Variants in CCBE1 observed in about 807,000 individuals in gnomAD.
The protein encoded by CCBE1 is collagen and calcium-binding EGF domain-containing protein 1.
Under a neutral mutation model 50.0 loss-of-function variants are expected in CCBE1, and 37 were observed. That is an observed-to-expected ratio of 0.74 (90% CI 0.57 to 0.97). The LOEUF (loss-of-function observed/expected upper bound fraction) is 0.97, where lower values mean the gene tolerates loss of function less well. CCBE1 is among the 50% of genes least tolerant of loss of function. CCBE1 has a pLI of 0.00. For missense variants in CCBE1, 538 were observed against 523.8 expected, an observed-to-expected ratio of 1.03 and a Z score of -0.26; for synonymous variants, 234 against 203.7, an observed-to-expected ratio of 1.15 and a Z score of -1.27.
Position 59,540,604 on chromosome 18 carries a change from T to A in CCBE1, c.213-60366A>T, listed in dbSNP as rs78701589. ...GTCCTCTTCTCCCCACTGATTTTCT[T>A]AACATGGCTGCTTCCACAAATGAAC... is the stretch of plus-strand genomic sequence containing the variant. On this transcript the variant is annotated intron_variant, in intron 2 of 10. Transcript: ENST00000439986. 8.1e-3 allele frequency among the ~76,000 whole-genome samples: 1,230 copies of A among 152,322 alleles called. 10 individuals carry two copies. Among genetic ancestry groups the A allele is most frequent in the South Asian group, 0.022 (108 of 4,828 alleles).
intron 2 of CCBE1, among the ~76,000 whole-genome samples, chr18:59,589,451 T>C (rs559108291): frequency 6.6e-6 from 1 of 152,056 alleles, no homozygotes; most frequent in African/African-American, 2.4e-5. Flanking sequence ...CACGATAATA[T>C]CGACGTAAAA....
intron 2 of CCBE1, among the ~76,000 whole-genome samples, chr18:59,607,066 A>G (rs2053508390): frequency 6.6e-6 from 1 of 152,052 alleles, no homozygotes; most frequent in Non-Finnish European, 1.5e-5. Flanking sequence ...GGAAAAAAAA[A>G]AAAAAAAAAA....
intron 2 of CCBE1, among the ~76,000 whole-genome samples, chr18:59,574,734 T>C (rs78699051): frequency 6.6e-6 from 1 of 152,162 alleles, no homozygotes; most frequent in Non-Finnish European, 1.5e-5. Context: ...TCTTGTGGCA[T>C]CCATGTGTTT....
At chr18:59,591,399 A>G (rs2053266934) in intron 2 of CCBE1, among the ~76,000 whole-genome samples, 1 of 152,154 alleles carries the variant, frequency 6.6e-6, no homozygotes, top group Non-Finnish European at 1.5e-5. Flanking sequence ...CAAAGAACAA[A>G]AGAAAAACTG....
At chr18:59,534,347 C>T (rs1219171722) in intron 2 of CCBE1, among the ~76,000 whole-genome samples, 1 of 152,118 alleles carries the variant, frequency 6.6e-6, no homozygotes, top group Non-Finnish European at 1.5e-5. Flanking sequence ...TTTGTCTTGT[C>T]CTTAATATTT....
chr18:59,522,843 T>C (rs1914659431), intron 2 of CCBE1, among the ~76,000 whole-genome samples: 1 of 151,638 alleles, frequency 6.6e-6, no homozygotes, highest in Non-Finnish European at 1.5e-5. Flanking sequence ...ATACAAAAAA[T>C]TAGCCGGGCG....
intron 2 of CCBE1, among the ~76,000 whole-genome samples, chr18:59,482,142 G>A (rs148330392): frequency 2.1e-3 from 317 of 152,256 alleles, no homozygotes; most frequent in African/African-American, 7.0e-3. Context: ...GTGAGAACAC[G>A]CGGTTTTCTG....
chr18:59,680,211 AC>A (rs1312055936), intron 2 of CCBE1, among the ~76,000 whole-genome samples: 1 of 113,286 alleles, frequency 8.8e-6, no homozygotes, highest in Non-Finnish European at 1.8e-5. Context: ...ACAGAGTGAG[AC>A]CCCTTTTCAA....
In CCBE1 at chr18:59,434,112, T is replaced by A. The variant is rs1440610359; in HGVS notation, c.*1796A>T. ...ACCATGTTGGTCAGGCTGGTCTCGA[T>A]CTCCTGACCTTGTGATCTCCCCGCC... On this transcript the variant is annotated 3_prime_UTR_variant, in exon 11 of 11. Transcript: ENST00000439986. The A allele has an allele frequency of 6.6e-6, 1 of 151,844 alleles. No homozygotes were observed. Among genetic ancestry groups the A allele is most frequent in the East Asian group, 1.9e-4 (1 of 5,162 alleles). The allele number at this position is 151,844 out of a possible 1,614,324, so 9.4% of individuals were successfully genotyped here.
chr18:59,487,111 G>A (rs1021344769), intron 2 of CCBE1, among the ~76,000 whole-genome samples: 1 of 147,532 alleles, frequency 6.8e-6, no homozygotes, highest in African/African-American at 2.5e-5. Context: ...TTCTGATGAA[G>A]GCTTCTAAAG....
Position 59,571,607 on chromosome 18 carries a change from T to A in CCBE1, c.213-91369A>T, listed in dbSNP as rs139700479. 9.1e-3 allele frequency among the ~76,000 whole-genome samples: 1,382 copies of A among 152,266 alleles called. 7 individuals are homozygous for A. Among genetic ancestry groups the A allele is most frequent in the Middle Eastern group, 0.031 (9 of 294 alleles). Reference sequence around the variant, plus strand: ...ACCTGCACGTTGTGCGCATGTACCCTAGAACTTAAAGTATCATTAAAAAAC... The same window carrying A: ...ACCTGCACGTTGTGCGCATGTACCCAAGAACTTAAAGTATCATTAAAAAAC... On this transcript the variant is annotated intron_variant, in intron 2 of 10. Coordinates refer to ENST00000439986, the MANE Select transcript of CCBE1 (RefSeq NM_133459.4).
At chr18:59,651,907 CA>C (rs1427695671) in intron 2 of CCBE1, among the ~76,000 whole-genome samples, 2 of 152,164 alleles carry the variant, frequency 1.3e-5, no homozygotes, top group Non-Finnish European at 2.9e-5. Flanking sequence ...TGTCCATTAT[CA>C]AGATACAATA....
intron 5 of CCBE1, among the ~76,000 whole-genome samples, chr18:59,461,527 T>G (rs1911474563): frequency 6.6e-6 from 1 of 152,158 alleles, no homozygotes; most frequent in Non-Finnish European, 1.5e-5. Context: ...TACTGAAATA[T>G]AAAATCAAAT....
chr18:59,550,991 C>T (rs1293716613), intron 2 of CCBE1, among the ~76,000 whole-genome samples: 3 of 80,332 alleles, frequency 3.7e-5, no homozygotes, highest in African/African-American at 5.2e-5. Context: ...GGCAACACAG[C>T]GAGACTCAAA....
At chr18:59,567,125 T>C (rs1464875647) in intron 2 of CCBE1, among the ~76,000 whole-genome samples, 1 of 152,156 alleles carries the variant, frequency 6.6e-6, no homozygotes, top group East Asian at 1.9e-4. Context: ...TCTTTTCTTT[T>C]CTTTTTTTTT....
intron 2 of CCBE1, among the ~76,000 whole-genome samples, chr18:59,628,377 G>A (rs1351605712): frequency 1.3e-5 from 2 of 152,136 alleles, no homozygotes; most frequent in Non-Finnish European, 2.9e-5. Context: ...GGGACAAAAT[G>A]GTATTTTTTC....
chr18:59,650,089 C>A (rs1266198255), intron 2 of CCBE1, among the ~76,000 whole-genome samples: 1 of 152,104 alleles, frequency 6.6e-6, no homozygotes, highest in Non-Finnish European at 1.5e-5. Context: ...TGGTTCCCAG[C>A]TTCAAGGCCA....
At chr18:59,505,117 A>G (rs905878356) in intron 2 of CCBE1, among the ~76,000 whole-genome samples, 1 of 152,240 alleles carries the variant, frequency 6.6e-6, no homozygotes, top group African/African-American at 2.4e-5. Context: ...AAAATTTGAT[A>G]AAAATGATAA....
chr18:59,664,071 C>T (rs924790853), intron 2 of CCBE1, among the ~76,000 whole-genome samples: 2 of 152,136 alleles, frequency 1.3e-5, no homozygotes, highest in African/African-American at 2.4e-5. Flanking sequence ...GAGAAGTCTG[C>T]GATTAGGATG....
Sources: gnomAD v4.1 joint callset for allele counts (sites outside exome capture counted in the v4.1 genomes callset) on GRCh38, gnomAD v4.1.1 for gene constraint, MANE v1.5 for transcripts, NCBI Gene and HGNC (gene_info 2026-07-23, HGNC 2026-07-21) for gene names.